Variants in BICD1 observed in about 807,000 individuals in gnomAD.
BICD1 encodes protein bicaudal D homolog 1.
A neutral mutation model predicts 92.5 loss-of-function variants in BICD1; 35 were observed. That is an observed-to-expected ratio of 0.38 (90% CI 0.29 to 0.50). BICD1 has a LOEUF of 0.50. BICD1 is among the 20% of genes least tolerant of loss of function. The pLI, the probability that BICD1 is intolerant of heterozygous loss-of-function variation, is 0.93. For synonymous variants in BICD1, 429 were observed against 465.1 expected, an observed-to-expected ratio of 0.92 and a Z score of 1.00; for missense variants, 950 against 1,189.8, an observed-to-expected ratio of 0.80 and a Z score of 2.97.
At chr12:32,220,376 T>C (rs916506430) in intron 2 of BICD1, among the ~76,000 whole-genome samples, 87 of 152,188 alleles carry the variant, frequency 5.7e-4, no homozygotes, top group African/African-American at 2.0e-3. Context: ...GAATCTGCAA[T>C]GAACTCAAAC....
At chr12:32,209,596 G>A (rs1367739355) in intron 1 of BICD1, among the ~76,000 whole-genome samples, 1 of 152,166 alleles carries the variant, frequency 6.6e-6, no homozygotes, top group Non-Finnish European at 1.5e-5. Context: ...ATCCTCTGGA[G>A]CACTCAGATC....
intron 5 of BICD1, among the ~76,000 whole-genome samples, chr12:32,330,261 C>T (rs1937785717): frequency 6.6e-6 from 1 of 152,046 alleles, no homozygotes. Context: ...TATGTTGTCA[C>T]TTTAGAGAAA....
chr12:32,147,720 T>C (rs1943157150), intron 1 of BICD1, among the ~76,000 whole-genome samples: 1 of 152,190 alleles, frequency 6.6e-6, no homozygotes, highest in Non-Finnish European at 1.5e-5. Context: ...ATGTCTTCTA[T>C]GAACTAGAAA....
At chr12:32,316,105 C>A in intron 4 of BICD1, among the ~76,000 whole-genome samples, 1 of 145,202 alleles carries the variant, frequency 6.9e-6, no homozygotes. Context: ...CACTGCACTC[C>A]AGCCTGGGCA....
chr12:32,331,978 G>A (rs1036528420), intron 5 of BICD1, among the ~76,000 whole-genome samples: 3 of 151,990 alleles, frequency 2.0e-5, no homozygotes, highest in Non-Finnish European at 2.9e-5. Flanking sequence ...AGAATTCTGG[G>A]GTACAGGGGA....
chr12:32,356,337 G>A (rs868769054), intron 8 of BICD1, among the ~76,000 whole-genome samples: 1 of 152,166 alleles, frequency 6.6e-6, no homozygotes, highest in Non-Finnish European at 1.5e-5. Context: ...AAGAGCTGAA[G>A]AGCACAGAGG....
At chr12:32,203,201 G>A (rs1011162019) in intron 1 of BICD1, among the ~76,000 whole-genome samples, 4 of 152,196 alleles carry the variant, frequency 2.6e-5, no homozygotes, top group African/African-American at 9.7e-5. Context: ...ATTTCAGGGA[G>A]ATTAAGGGAC....
intron 2 of BICD1, among the ~76,000 whole-genome samples, chr12:32,279,435 C>G (rs7316052): frequency 6.6e-6 from 1 of 151,972 alleles, no homozygotes; most frequent in East Asian, 1.9e-4. Context: ...AAAGCTTTCC[C>G]GTAAAAATAC....
At chr12:32,326,706 A>G (rs1948784968) in intron 4 of BICD1, among the ~76,000 whole-genome samples, 1 of 152,154 alleles carries the variant, frequency 6.6e-6, no homozygotes, top group African/African-American at 2.4e-5. Flanking sequence ...ACAACATAGC[A>G]AGACTCTGTC....
At chr12:32,210,660 A>G (rs1379445674) in intron 1 of BICD1, among the ~76,000 whole-genome samples, 1 of 152,230 alleles carries the variant, frequency 6.6e-6, no homozygotes, top group Admixed American at 6.5e-5. Context: ...TACAGACATG[A>G]TAGGAAATCA....
At chr12:32,321,970 G>C (rs550281231) in intron 4 of BICD1, among the ~76,000 whole-genome samples, 2 of 152,154 alleles carry the variant, frequency 1.3e-5, no homozygotes, top group Admixed American at 1.3e-4. Flanking sequence ...TTGCACTCCA[G>C]CCTGGGCGAC....
At chr12:32,301,647 C>T (rs1484509747) in intron 3 of BICD1, among the ~76,000 whole-genome samples, 4 of 151,566 alleles carry the variant, frequency 2.6e-5, no homozygotes, top group Middle Eastern at 3.4e-3. Context: ...TGGAGGTATG[C>T]GCCTGCAATC....
chr12:32,205,356 C>A (rs1470663898), intron 1 of BICD1, among the ~76,000 whole-genome samples: 1 of 152,066 alleles, frequency 6.6e-6, no homozygotes, highest in East Asian at 1.9e-4. Flanking sequence ...AAAAGCTCCC[C>A]AAGTGATTCT....
chr12:32,252,479 C>A (rs1167227219), intron 2 of BICD1, among the ~76,000 whole-genome samples: 4 of 151,988 alleles, frequency 2.6e-5, no homozygotes, highest in African/African-American at 9.7e-5. Context: ...GACTGCCTGT[C>A]CAGGAGGGTC....
At chr12:32,225,411 T>C (rs927807134) in intron 2 of BICD1, among the ~76,000 whole-genome samples, 10 of 152,184 alleles carry the variant, frequency 6.6e-5, no homozygotes, top group African/African-American at 2.4e-4. Flanking sequence ...CTAGAGCTTC[T>C]ATAAGCATTC....
chr12:32,127,260 C>G (rs1942379984), intron 1 of BICD1, among the ~76,000 whole-genome samples: 1 of 152,114 alleles, frequency 6.6e-6, no homozygotes, highest in African/African-American at 2.4e-5. Context: ...ATATTGTCTT[C>G]TGAATATCTT....
intron 5 of BICD1, among the ~76,000 whole-genome samples, chr12:32,329,111 T>A (rs1019667424): frequency 2.0e-5 from 3 of 151,998 alleles, no homozygotes; most frequent in African/African-American, 7.2e-5. Context: ...TATTATTTTT[T>A]ATTTTTGTTT....
intron 1 of BICD1, among the ~76,000 whole-genome samples, chr12:32,152,679 CA>C (rs1473606388): frequency 1.3e-5 from 2 of 152,148 alleles, no homozygotes; most frequent in Non-Finnish European, 2.9e-5. Context: ...ACCCTCAAAA[CA>C]TAGAGATTTG....
intron 3 of BICD1, among the ~76,000 whole-genome samples, chr12:32,301,572 T>C (rs1014203750): frequency 5.3e-5 from 8 of 151,558 alleles, no homozygotes; most frequent in African/African-American, 1.9e-4. Context: ...TCCAGGAGTT[T>C]GAGACCAGCC....
Sources: allele counts gnomAD v4.1 joint callset (sites outside exome capture counted in the v4.1 genomes callset), GRCh38; gene constraint gnomAD v4.1.1; transcripts MANE v1.5; gene names NCBI Gene and HGNC (gene_info 2026-07-23, HGNC 2026-07-21).